Variants in ARIH1 observed in about 807,000 individuals in gnomAD.
ARIH1 encodes the protein ariadne RBR E3 ubiquitin protein ligase 1, also known as E3 ubiquitin-protein ligase ARIH1.
In ARIH1, 8 loss-of-function variants were observed where a neutral mutation model predicts 85.0. The ratio of observed to expected loss-of-function variants is 0.09; its 90% CI spans 0.06 to 0.17. ARIH1 has a LOEUF of 0.17. Ranked by LOEUF, ARIH1 falls within the 10% of genes least tolerant of loss-of-function variation. The pLI, the probability that ARIH1 is intolerant of heterozygous loss-of-function variation, is 1.00. For missense variants in ARIH1, 311 were observed against 718.1 expected (o/e 0.43, Z 6.48); for synonymous variants, 238 against 253.6 (o/e 0.94, Z 0.59).
intron 2 of ARIH1, among the ~76,000 whole-genome samples, chr15:72,538,103 C>T (rs1394025623): frequency 6.6e-6 from 1 of 152,168 alleles, no homozygotes; most frequent in East Asian, 1.9e-4. Flanking sequence ...GTAGCTCACA[C>T]CTGTAATCCC....
rs1371381938 is a variant in ARIH1, at chr15:72,561,505, GTTAAA to G, written c.766_770del (p.Leu256ValfsTer8). 1 of 1,599,750 alleles carries G rather than the reference GTTAAA, an allele frequency of 6.3e-7. No individual in the cohort carries two copies. ...CAGGCGCCTGATCACAGATTCAAAAGTTAAATTAAAGTATCAGCATTTAATAACAA... is the reference window on the plus strand; with the variant it reads ...CAGGCGCCTGATCACAGATTCAAAAGTTAAAGTATCAGCATTTAATAACAA... On this transcript the variant is annotated frameshift_variant, in exon 6 of 14. Coordinates refer to ENST00000379887, the MANE Select transcript of ARIH1 (RefSeq NM_005744.5). LOFTEE classifies it high-confidence loss of function.
chr15:72,517,998 C>T, intron 1 of ARIH1, 69 bp from the exon 2 acceptor site: 1 of 1,192,636 alleles, frequency 8.4e-7, no homozygotes. Flanking sequence ...TAACTTCAAC[C>T]TAGGAGTTCA....
At chr15:72,561,068 A>T (rs895245536) in intron 5 of ARIH1, among the ~76,000 whole-genome samples, 1 of 152,166 alleles carries the variant, frequency 6.6e-6, no homozygotes, top group Non-Finnish European at 1.5e-5. Context: ...ATTTCTGGCA[A>T]CAATATCTGT....
chr15:72,495,734 A>T (rs922904630), intron 1 of ARIH1, among the ~76,000 whole-genome samples: 1 of 152,178 alleles, frequency 6.6e-6, no homozygotes, highest in Admixed American at 6.5e-5. Context: ...ATTTGGGTTA[A>T]TGTCAGGCAA....
intron 1 of ARIH1, among the ~76,000 whole-genome samples, chr15:72,479,754 T>C (rs2063807941): frequency 6.6e-6 from 1 of 152,066 alleles, no homozygotes; most frequent in African/African-American, 2.4e-5. Flanking sequence ...CTGAAGAAAT[T>C]TTCTGTTGGC....
chr15:72,487,512 A>G (rs1302659088), intron 1 of ARIH1, among the ~76,000 whole-genome samples: 1 of 152,212 alleles, frequency 6.6e-6, no homozygotes, highest in Non-Finnish European at 1.5e-5. Context: ...TTGGACAGAT[A>G]TTTATCTGAA....
At position 72,590,498 on chromosome 15, in the gene ARIH1, A is replaced by C. The variant is rs2064338554; in HGVS notation, c.*7206A>C. 6.6e-6 allele frequency: 1 copy of C among 152,226 alleles called. No homozygotes were observed. The highest frequency in any genetic ancestry group is 1.5e-5 in the Non-Finnish European group (1 of 68,070). 9.4% of individuals were successfully genotyped at this position (152,226 alleles called of 1,614,324 possible). A position where few individuals can be genotyped will look rare whatever the true frequency, so the allele number is the denominator to read the frequency against. ...ACTCTAGCATTTTAATGAGTTAAGCAAGCCAGCCCTGCATTTCCAAACCCT... is the reference window on the plus strand; with the variant it reads ...ACTCTAGCATTTTAATGAGTTAAGCCAGCCAGCCCTGCATTTCCAAACCCT... On this transcript the variant is annotated 3_prime_UTR_variant, in exon 14 of 14. Coordinates refer to ENST00000379887, the MANE Select transcript of ARIH1 (RefSeq NM_005744.5).
At chr15:72,570,138 G>C in intron 9 of ARIH1, 39 bp from the exon 10 acceptor site, 2 of 1,606,978 alleles carry the variant, frequency 1.2e-6, no homozygotes, top group Admixed American at 3.4e-5. Context: ...ATGCAACCTA[G>C]TGTAGCATTG....
At position 72,474,942 on chromosome 15, in the gene ARIH1, C is replaced by T; in HGVS notation, c.303C>T (p.Tyr101=). ...PGHEQEEDYR[Y]EVLTAEQILQ... ...ATGAGCAGGAGGAGGATTACCGCTACGAGGTGCTCACGGCCGAGCAGATTC... is the reference window on the plus strand; with the variant it reads ...ATGAGCAGGAGGAGGATTACCGCTATGAGGTGCTCACGGCCGAGCAGATTC... The change falls in exon 1 of 14, where the codon TAC becomes TAT. Residue 101 remains tyrosine (Y), a synonymous_variant. Coordinates refer to ENST00000379887, the MANE Select transcript of ARIH1 (RefSeq NM_005744.5). 1 of 1,548,986 alleles carries T rather than the reference C, an allele frequency of 6.5e-7. No individual in the cohort carries two copies. The highest frequency in any genetic ancestry group is 8.7e-7 in the Non-Finnish European group (1 of 1,146,214).
At position 72,555,922 on chromosome 15, in the gene ARIH1, T is replaced by C. The variant is rs1297568645; in HGVS notation, c.737+15T>C. 3 of 1,605,692 alleles carry C rather than the reference T, an allele frequency of 1.9e-6. No homozygotes were observed. Among genetic ancestry groups the C allele is most frequent in the East Asian group, 2.2e-5 (1 of 44,760 alleles). Reference sequence around the variant, plus strand: ...AACACAGTTATGTAAGTATTTTTGATAGATTCTGCATGTGAATATTGGTTA... The same window carrying C: ...AACACAGTTATGTAAGTATTTTTGACAGATTCTGCATGTGAATATTGGTTA... On this transcript the variant is annotated intron_variant, in intron 5 of 13. Transcript: ENST00000379887.
At chr15:72,544,591 G>A (rs752151687) in intron 2 of ARIH1, among the ~76,000 whole-genome samples, 1 of 151,938 alleles carries the variant, frequency 6.6e-6, no homozygotes, top group Non-Finnish European at 1.5e-5. Flanking sequence ...TATGAGAGTA[G>A]ACTGAATTTT....
At chr15:72,491,183 C>T (rs1287862943) in intron 1 of ARIH1, among the ~76,000 whole-genome samples, 1 of 151,824 alleles carries the variant, frequency 6.6e-6, no homozygotes, top group Non-Finnish European at 1.5e-5. Context: ...ATAATGTGCC[C>T]CTATCTACCT....
chr15:72,558,043 G>T (rs979308149), intron 5 of ARIH1, among the ~76,000 whole-genome samples: 2 of 152,064 alleles, frequency 1.3e-5, no homozygotes, highest in Admixed American at 6.6e-5. Context: ...TCTTTCTCTT[G>T]CCTGATTGCT....
intron 2 of ARIH1, among the ~76,000 whole-genome samples, chr15:72,526,860 C>CTTTT (rs58241698): frequency 5.8e-5 from 8 of 138,140 alleles, no homozygotes; most frequent in East Asian, 2.0e-4. Context: ...CTGTCTAATG[C>CTTTT]TTTTTTTTTT....
At chr15:72,479,953 C>T (rs1391589244) in intron 1 of ARIH1, among the ~76,000 whole-genome samples, 1 of 151,024 alleles carries the variant, frequency 6.6e-6, no homozygotes, top group African/African-American at 2.4e-5. Flanking sequence ...CCGCAAGCTC[C>T]GCCTCCTGGG....
chr15:72,518,898 C>A (rs1314993473), intron 2 of ARIH1, among the ~76,000 whole-genome samples: 1 of 152,052 alleles, frequency 6.6e-6, no homozygotes, highest in Non-Finnish European at 1.5e-5. Context: ...GGCCACCAGA[C>A]CAGGTGCTTG....
intron 2 of ARIH1, among the ~76,000 whole-genome samples, chr15:72,520,412 A>T (rs1170085012): frequency 6.6e-6 from 1 of 151,266 alleles, no homozygotes; most frequent in African/African-American, 2.4e-5. Flanking sequence ...TAAATATTCA[A>T]CCTTTCTGGG....
chr15:72,501,299 T>G (rs2063902314), intron 1 of ARIH1, among the ~76,000 whole-genome samples: 1 of 152,248 alleles, frequency 6.6e-6, no homozygotes. Context: ...CAAATTTATT[T>G]AAATGCCCAC....
At position 72,475,021 on chromosome 15, in the gene ARIH1, G is replaced by T. The variant is rs1428441728; in HGVS notation, c.375+7G>T. On this transcript the variant is annotated splice_region_variant and intron_variant, in intron 1 of 13. Coordinates refer to ENST00000379887, the MANE Select transcript of ARIH1 (RefSeq NM_005744.5). ...GGTCAACGAGGTCATCCAGGTGAGGGTGGCCGCCGCGCCAGCTGGACCGGG... is the reference window on the plus strand; with the variant it reads ...GGTCAACGAGGTCATCCAGGTGAGGTTGGCCGCCGCGCCAGCTGGACCGGG... 1.3e-6 allele frequency: 2 copies of T among 1,552,278 alleles called. No homozygotes were observed. Among genetic ancestry groups the T allele is most frequent in the South Asian group, 2.4e-5 (2 of 84,298 alleles).
Sources: gnomAD v4.1 joint callset for allele counts (sites outside exome capture counted in the v4.1 genomes callset) on GRCh38, gnomAD v4.1.1 for gene constraint, MANE v1.5 for transcripts, NCBI Gene and HGNC (gene_info 2026-07-23, HGNC 2026-07-21) for gene names.